The following BAZ1B variants were observed in gnomAD, a reference collection of about 807,000 sequenced individuals.
BAZ1B encodes bromodomain adjacent to zinc finger domain 1B.
Under a neutral mutation model 153.8 loss-of-function variants are expected in BAZ1B, and 22 were observed. That is an observed-to-expected ratio of 0.14 (90% CI 0.10 to 0.20). The LOEUF (loss-of-function observed/expected upper bound fraction) is 0.20. BAZ1B is among the 10% of genes least tolerant of loss of function. The pLI is 1.00. For missense variants in BAZ1B, 1,325 were observed against 1,799.3 expected (o/e 0.74, Z 4.77); for synonymous variants, 676 against 633.4 (o/e 1.07, Z -1.01).
chr7:73,501,887 ATTTT>A (rs200718272), intron 3 of BAZ1B, among the ~76,000 whole-genome samples: 5 of 133,116 alleles, frequency 3.8e-5, no homozygotes, highest in Admixed American at 7.6e-5. Context: ...CTTATCAAGA[ATTTT>A]TTTTTTTTTT....
intron 3 of BAZ1B, among the ~76,000 whole-genome samples, chr7:73,506,157 T>A (rs1790329491): frequency 1.3e-5 from 2 of 152,190 alleles, no homozygotes; most frequent in African/African-American, 4.8e-5. Context: ...TAGTGTTCGG[T>A]ATCACTTTTG....
chr7:73,490,809 T>C (rs1789607929), intron 5 of BAZ1B, among the ~76,000 whole-genome samples: 1 of 151,656 alleles, frequency 6.6e-6, no homozygotes, highest in African/African-American at 2.4e-5. Flanking sequence ...TTCTCCATGT[T>C]GGTCAGGCTG....
chr7:73,457,626 T>C (rs1444641643), intron 13 of BAZ1B, among the ~76,000 whole-genome samples: 1 of 152,076 alleles, frequency 6.6e-6, no homozygotes, highest in Non-Finnish European at 1.5e-5. Context: ...ACTAAAACCT[T>C]AATAGGAGTG....
chr7:73,487,545 A>G (rs1436185467), intron 6 of BAZ1B, among the ~76,000 whole-genome samples: 1 of 152,238 alleles, frequency 6.6e-6, no homozygotes, highest in Non-Finnish European at 1.5e-5. Context: ...ACTAAAATAC[A>G]TAAAACAGAG....
At chr7:73,466,237 TTTC>T (rs1391730859) in intron 10 of BAZ1B, 56 bp downstream of exon 10, 1 of 1,270,948 alleles carries the variant, frequency 7.9e-7, no homozygotes, top group Non-Finnish European at 1.1e-6. Context: ...TACTAAATAC[TTTC>T]TTCCTTAACA....
chr7:73,499,369 A>C (rs1790038040), intron 3 of BAZ1B, among the ~76,000 whole-genome samples: 2 of 152,264 alleles, frequency 1.3e-5, no homozygotes, highest in South Asian at 2.1e-4. Context: ...TGGATATACA[A>C]ATGTTCCAGA....
Position 73,477,033 on chromosome 7 carries a change from T to C in BAZ1B, c.2428A>G (p.Lys810Glu). 6.2e-7 allele frequency: 1 copy of C among 1,614,186 alleles called. No individual in the cohort carries two copies. The highest frequency in any genetic ancestry group is 8.5e-7 in the Non-Finnish European group (1 of 1,180,034). ...GTTTTGCCTAACCCATTCTCAACTTTTCCATTTTCTTTATTTTTGGCTTCC... is the reference window on the plus strand; with the variant it reads ...GTTTTGCCTAACCCATTCTCAACTTCTCCATTTTCTTTATTTTTGGCTTCC... ...EMEAKNKENGKVENGLGKTDR... is the reference protein window; with the variant it reads ...EMEAKNKENGEVENGLGKTDR... Residue 810 changes from lysine (K) to glutamate (E), a missense_variant, in exon 7 of 20, where the codon AAA becomes GAA. Physicochemically the swap from Lys to Glu is moderately conservative, Grantham distance 56. Transcript: ENST00000339594. The surrounding 1 kb of genome is among the most constrained non-coding windows in gnomAD (Gnocchi z 5.6).
chr7:73,458,629 T>C (rs1788282810), intron 13 of BAZ1B, among the ~76,000 whole-genome samples: 1 of 150,712 alleles, frequency 6.6e-6, no homozygotes, highest in African/African-American at 2.4e-5. Context: ...TGAGCTGAGA[T>C]TATGCCACTA....
At chr7:73,448,330 C>T (rs1554567110) in intron 15 of BAZ1B, among the ~76,000 whole-genome samples, 1 of 152,158 alleles carries the variant, frequency 6.6e-6, no homozygotes, top group African/African-American at 2.4e-5. Context: ...GCCAGAGTAC[C>T]TATAAGCTGC....
chr7:73,504,036 A>G (rs1790236907), intron 3 of BAZ1B, among the ~76,000 whole-genome samples: 1 of 152,226 alleles, frequency 6.6e-6, no homozygotes, highest in South Asian at 2.1e-4. Flanking sequence ...CTTGGGGTTT[A>G]GAAATGATAA....
At chr7:73,459,839 G>C (rs1788332405) in intron 12 of BAZ1B, 121 bp from the exon 13 acceptor site, 2 of 837,956 alleles carry the variant, frequency 2.4e-6, no homozygotes, top group Admixed American at 5.8e-5. Context: ...AAACAAAATC[G>C]AGAGCCACAT....
chr7:73,489,765 C>A (rs1206299192), intron 5 of BAZ1B, among the ~76,000 whole-genome samples: 1 of 152,160 alleles, frequency 6.6e-6, no homozygotes, highest in African/African-American at 2.4e-5. Context: ...TGCACTCTAG[C>A]CTGGGCAACA....
At chr7:73,514,611 A>C (rs1369710745) in intron 1 of BAZ1B, among the ~76,000 whole-genome samples, 1 of 151,724 alleles carries the variant, frequency 6.6e-6, no homozygotes, top group East Asian at 1.9e-4. Context: ...GGAGTTCAAG[A>C]GCAGCCTGGG....
intron 12 of BAZ1B, among the ~76,000 whole-genome samples, chr7:73,462,103 T>G (rs1057204877): frequency 9.2e-5 from 14 of 152,196 alleles, no homozygotes; most frequent in African/African-American, 3.1e-4. Flanking sequence ...CAGGCATGGT[T>G]GCTTGTACCT....
intron 17 of BAZ1B, among the ~76,000 whole-genome samples, chr7:73,443,634 C>G (rs1229566112): frequency 6.6e-6 from 1 of 152,174 alleles, no homozygotes; most frequent in Non-Finnish European, 1.5e-5. Context: ...ACTGTCGACT[C>G]AACAGTAAGT....
intron 3 of BAZ1B, among the ~76,000 whole-genome samples, chr7:73,505,281 A>G (rs944559373): frequency 1.3e-5 from 2 of 152,176 alleles, no homozygotes; most frequent in Non-Finnish European, 2.9e-5. Flanking sequence ...CTCTGAATAC[A>G]GTCACATTTT....
intron 16 of BAZ1B, among the ~76,000 whole-genome samples, chr7:73,446,651 C>G (rs1241342362): frequency 6.6e-6 from 1 of 151,808 alleles, no homozygotes; most frequent in Non-Finnish European, 1.5e-5. Context: ...CTCTCCAACA[C>G]TCATGAGAAA....
chr7:73,474,761 A>G (rs919055637), intron 7 of BAZ1B, among the ~76,000 whole-genome samples: 27 of 152,306 alleles, frequency 1.8e-4, no homozygotes, highest in Non-Finnish European at 1.3e-4. Context: ...CACAAAAAAG[A>G]GCGCAACTCC....
intron 3 of BAZ1B, among the ~76,000 whole-genome samples, chr7:73,506,761 G>A (rs1790359285): frequency 1.4e-5 from 2 of 143,500 alleles, no homozygotes; most frequent in South Asian, 4.6e-4. Flanking sequence ...TGAGGCAGGA[G>A]AATCACTTGA....
Sources: gnomAD v4.1 joint callset for allele counts (sites outside exome capture counted in the v4.1 genomes callset) on GRCh38, gnomAD v4.1.1 for gene constraint, Gnocchi (gnomAD v3.1) non-coding constraint, MANE v1.5 for transcripts, NCBI Gene and HGNC (gene_info 2026-07-23, HGNC 2026-07-21) for gene names.